PTPRD: variants seen among roughly 807,000 people sequenced by gnomAD.
PTPRD encodes receptor-type tyrosine-protein phosphatase delta.
PTPRD carries 34 observed loss-of-function variants against 214.5 expected under a neutral mutation model. The observed-to-expected ratio is 0.16, with a 90% CI of 0.12 to 0.21. PTPRD has a LOEUF of 0.21. Ranked by LOEUF, PTPRD falls within the 10% of genes least tolerant of loss-of-function variation. The pLI, the probability that PTPRD is intolerant of heterozygous loss-of-function variation, is 1.00. For synonymous variants in PTPRD, 1,128 were observed against 845.7 expected (o/e 1.33, Z -5.79); for missense variants, 2,545 against 2,398.7 (o/e 1.06, Z -1.27).
At chr9:10,032,700 A>G (rs549610225) in intron 4 of PTPRD, among the ~76,000 whole-genome samples, 1 of 152,176 alleles carries the variant, frequency 6.6e-6, no homozygotes, top group South Asian at 2.1e-4. Flanking sequence ...TTTAGTGTCA[A>G]ATAGAACTTC....
At chr9:8,471,821 T>C (rs1487078734) in intron 30 of PTPRD, among the ~76,000 whole-genome samples, 1 of 152,098 alleles carries the variant, frequency 6.6e-6, no homozygotes, top group African/African-American at 2.4e-5. Context: ...CATCCACAAA[T>C]AGGTATGGGT....
intron 11 of PTPRD, among the ~76,000 whole-genome samples, chr9:8,782,177 A>ACATACCATAATG (rs1599617671): frequency 3.3e-5 from 5 of 151,164 alleles, no homozygotes; most frequent in African/African-American, 1.2e-4. Context: ...ATGGTATAAA[A>ACATACCATAATG]TTGCATATGT....
chr9:9,707,482 T>A (rs1482137229), intron 7 of PTPRD, among the ~76,000 whole-genome samples: 2 of 152,126 alleles, frequency 1.3e-5, no homozygotes, highest in African/African-American at 4.8e-5. Context: ...TGATGTACAA[T>A]AGAACCGGTA....
At chr9:9,793,898 A>G (rs938612160) in intron 5 of PTPRD, among the ~76,000 whole-genome samples, 2 of 152,072 alleles carry the variant, frequency 1.3e-5, no homozygotes, top group African/African-American at 4.8e-5. Context: ...GGTACTGGAA[A>G]TAGTTTATGA....
chr9:9,370,782 TC>T (rs2059261580), intron 9 of PTPRD, among the ~76,000 whole-genome samples: 3 of 152,156 alleles, frequency 2.0e-5, no homozygotes, highest in Non-Finnish European at 4.4e-5. Context: ...TTGAGATACG[TC>T]CCATCAATAC....
chr9:10,407,571 C>G (rs1416757676), intron 2 of PTPRD, among the ~76,000 whole-genome samples: 3 of 151,636 alleles, frequency 2.0e-5, no homozygotes, highest in Non-Finnish European at 3.0e-5. Context: ...AGGTTAAACT[C>G]TAAGTCATAA....
At chr9:9,186,204 C>T (rs2099931364) in intron 9 of PTPRD, among the ~76,000 whole-genome samples, 1 of 152,070 alleles carries the variant, frequency 6.6e-6, no homozygotes, top group Admixed American at 6.6e-5. Context: ...GTGCATGGAA[C>T]ATGCTCAATC....
intron 2 of PTPRD, among the ~76,000 whole-genome samples, chr9:10,482,292 A>G (rs1456107442): frequency 2.0e-5 from 3 of 151,812 alleles, no homozygotes. Flanking sequence ...AATGGCATGA[A>G]CCCGGGAGGT....
intron 9 of PTPRD, among the ~76,000 whole-genome samples, chr9:9,275,194 ATATATT>A (rs1314188439): frequency 8.2e-4 from 9 of 11,042 alleles, no homozygotes; most frequent in African/African-American, 2.1e-3. Flanking sequence ...TTATATATAT[ATATATT>A]ATATATATAT....
rs979457473 is a variant in PTPRD, at chr9:10,289,083, A to C, written c.-545+51880T>G. Among the ~76,000 whole-genome samples the C allele has an allele frequency of 2.6e-5, 4 of 151,468 alleles. 1 individual carries two copies. Among genetic ancestry groups the C allele is most frequent in the Admixed American group, 1.3e-4 (2 of 15,164 alleles). ...TATATTCTCTGGAAAACCAAAGGCC[A>C]GTTTCAAATTTAATGAAAAGCCTTC... On this transcript the variant is annotated intron_variant, in intron 3 of 45. Coordinates refer to ENST00000381196, the MANE Select transcript of PTPRD (RefSeq NM_002839.4).
At chr9:8,932,335 T>C (rs543070383) in intron 11 of PTPRD, among the ~76,000 whole-genome samples, 7 of 152,278 alleles carry the variant, frequency 4.6e-5, no homozygotes, top group Admixed American at 3.9e-4. Flanking sequence ...TTTAGCTGTG[T>C]CCCAGAGATT....
chr9:9,129,728 T>C (rs935238355), intron 10 of PTPRD, among the ~76,000 whole-genome samples: 15 of 152,226 alleles, frequency 9.9e-5, no homozygotes, highest in African/African-American at 3.4e-4. Context: ...TTTCCCTTTA[T>C]TATTTAACTG....
rs114478487 is a variant in PTPRD at position 10,514,803 on chromosome 9, A to T, written c.-600+97595T>A. Reference sequence around the variant, plus strand: ...AGGCATCACAGTGGTCCCAAAATGTATCCACATGGTTCTTTAAAAAGTATG... The same window carrying T: ...AGGCATCACAGTGGTCCCAAAATGTTTCCACATGGTTCTTTAAAAAGTATG... On this transcript the variant is annotated intron_variant, in intron 2 of 45. Transcript: ENST00000381196. 5.3e-3 allele frequency among the ~76,000 whole-genome samples: 809 copies of T among 152,170 alleles called. 10 individuals are homozygous for T. Among genetic ancestry groups the T allele is most frequent in the African/African-American group, 0.019 (773 of 41,558 alleles).
chr9:9,371,236 T>C (rs1456521073), intron 9 of PTPRD, among the ~76,000 whole-genome samples: 1 of 152,170 alleles, frequency 6.6e-6, no homozygotes. Flanking sequence ...TGAATCCATC[T>C]GGTCCTGGAC....
At chr9:8,710,965 A>G (rs2098321685) in intron 12 of PTPRD, among the ~76,000 whole-genome samples, 2 of 152,104 alleles carry the variant, frequency 1.3e-5, no homozygotes, top group African/African-American at 2.4e-5. Context: ...CATTTCTACT[A>G]AGTTTGGGAA....
intron 8 of PTPRD, among the ~76,000 whole-genome samples, chr9:9,456,878 T>G (rs2093082934): frequency 6.6e-6 from 1 of 151,800 alleles, no homozygotes; most frequent in Non-Finnish European, 1.5e-5. Context: ...TACTAAAATG[T>G]GATATTTTCA....
intron 11 of PTPRD, among the ~76,000 whole-genome samples, chr9:8,818,639 C>A (rs1370904987): frequency 6.6e-6 from 1 of 152,182 alleles, no homozygotes; most frequent in Non-Finnish European, 1.5e-5. Flanking sequence ...AAAATCATAC[C>A]TACTGAATTA....
chr9:9,816,166 C>G (rs1346853001), intron 5 of PTPRD, among the ~76,000 whole-genome samples: 1 of 152,002 alleles, frequency 6.6e-6, no homozygotes, highest in Non-Finnish European at 1.5e-5. Flanking sequence ...AGCTGGAAAA[C>G]AAAATATTTG....
chr9:9,003,163 C>A (rs948157625), intron 11 of PTPRD, among the ~76,000 whole-genome samples: 1 of 152,024 alleles, frequency 6.6e-6, no homozygotes, highest in Admixed American at 6.6e-5. Flanking sequence ...ATATAACATT[C>A]TACTGGACTT....
Sources: allele counts gnomAD v4.1 joint callset (sites outside exome capture counted in the v4.1 genomes callset), GRCh38; gene constraint gnomAD v4.1.1; transcripts MANE v1.5; gene names NCBI Gene and HGNC (gene_info 2026-07-23, HGNC 2026-07-21).